VAMP4: variants seen among roughly 807,000 people sequenced by gnomAD.
VAMP4 encodes vesicle associated membrane protein 4, also known as vesicle-associated membrane protein 4.
Under a neutral mutation model 23.5 loss-of-function variants are expected in VAMP4, and 19 were observed. The observed-to-expected ratio is 0.81, with a 90% CI of 0.56 to 1.19. The LOEUF is 1.19. Ranked by LOEUF, VAMP4 falls within the 50% of genes most tolerant of loss-of-function variation. The pLI, the probability that VAMP4 is intolerant of heterozygous loss-of-function variation, is 0.00. For missense variants in VAMP4, 145 were observed against 168.6 expected (o/e 0.86, Z 0.78); for synonymous variants, 31 against 51.0 (o/e 0.61, Z 1.67).
rs190624493 is a variant in VAMP4, at chr1:171,734,246, C to A, written c.66+4103G>T. 4.0e-3 allele frequency among the ~76,000 whole-genome samples: 468 copies of A among 115,898 alleles called. 13 individuals are homozygous for A. The Admixed American group carries it at 0.047, about 12-fold the overall frequency. 76.0% of individuals were successfully genotyped at this position (115,898 alleles called of 152,430 possible). ...TCGCACCATTGGACTCCAGCCTGGG[C>A]AACAGAGGGAGACTCCGTCTCAAAA... is the stretch of plus-strand genomic sequence containing the variant. On this transcript the variant is annotated intron_variant, in intron 2 of 7. Transcript: ENST00000236192.
intron 3 of VAMP4, among the ~76,000 whole-genome samples, chr1:171,725,672 C>T (rs1466785669): frequency 6.6e-6 from 1 of 152,014 alleles, no homozygotes; most frequent in Non-Finnish European, 1.5e-5. Flanking sequence ...GCTCTTTCTT[C>T]ACTGCTTCTC....
intron 1 of VAMP4, among the ~76,000 whole-genome samples, chr1:171,739,413 T>A (rs1322385356): frequency 6.6e-6 from 1 of 152,206 alleles, no homozygotes; most frequent in East Asian, 1.9e-4. Flanking sequence ...CCTATGCACC[T>A]CTTCCATCTG....
chr1:171,709,804 G>T, intron 5 of VAMP4, 60 bp from the exon 6 acceptor site: 1 of 1,275,634 alleles, frequency 7.8e-7, no homozygotes, highest in East Asian at 2.3e-5. Context: ...CTTTTATCTA[G>T]TCACACAAAG....
intron 4 of VAMP4, among the ~76,000 whole-genome samples, chr1:171,712,845 CAG>C (rs1186142197): frequency 6.6e-6 from 1 of 152,172 alleles, no homozygotes; most frequent in Non-Finnish European, 1.5e-5. Context: ...TTGAACAAAA[CAG>C]ATGATAATCC....
chr1:171,708,604 T>C (rs1654737973), intron 6 of VAMP4, among the ~76,000 whole-genome samples: 3 of 151,432 alleles, frequency 2.0e-5, no homozygotes, highest in Non-Finnish European at 4.4e-5. Flanking sequence ...CTCATGCCTG[T>C]AATCCCAGCA....
At chr1:171,727,571 C>T (rs571292988) in intron 3 of VAMP4, among the ~76,000 whole-genome samples, 7 of 152,230 alleles carry the variant, frequency 4.6e-5, no homozygotes, top group Non-Finnish European at 7.4e-5. Flanking sequence ...TAAACTTACA[C>T]CAACCATTCT....
At chr1:171,710,092 A>AC (rs1654800095) in intron 5 of VAMP4, among the ~76,000 whole-genome samples, 1 of 152,108 alleles carries the variant, frequency 6.6e-6, no homozygotes, top group South Asian at 2.1e-4. Flanking sequence ...CCTCTAGAAA[A>AC]AAAATTACAT....
chr1:171,719,508 C>A (rs942248746), intron 3 of VAMP4, among the ~76,000 whole-genome samples: 37 of 152,054 alleles, frequency 2.4e-4, no homozygotes, highest in Non-Finnish European at 1.3e-4. Context: ...AACAAACTTA[C>A]ACAGAATTTG....
chr1:171,733,199 T>C (rs942750342), intron 2 of VAMP4, among the ~76,000 whole-genome samples: 2 of 149,008 alleles, frequency 1.3e-5, no homozygotes, highest in African/African-American at 5.0e-5. Flanking sequence ...GGCTCACGCC[T>C]GTAACCCTGG....
At chr1:171,716,644 T>C (rs1039352631) in intron 4 of VAMP4, among the ~76,000 whole-genome samples, 1 of 152,226 alleles carries the variant, frequency 6.6e-6, no homozygotes, top group African/African-American at 2.4e-5. Flanking sequence ...AGCAATGATG[T>C]TGCTAATCTA....
At chr1:171,724,799 C>T (rs1333148718) in intron 3 of VAMP4, among the ~76,000 whole-genome samples, 1 of 152,144 alleles carries the variant, frequency 6.6e-6, no homozygotes, top group Non-Finnish European at 1.5e-5. Flanking sequence ...GAAGGATATA[C>T]ACTACACTAC....
rs1463307869 is a variant in VAMP4, at chr1:171,716,243, C to T, written c.164+2928G>A. ...ATTGGGAGATTCCCTACTCCTAACA[C>T]AGAATGTCTACAATTCACTACAGTG... On this transcript the variant is annotated intron_variant, in intron 4 of 7. Transcript: ENST00000236192. 2.0e-5 allele frequency among the ~76,000 whole-genome samples: 3 copies of T among 152,152 alleles called. No homozygotes were observed. The East Asian group carries it at 5.8e-4, about 29-fold the overall frequency.
chr1:171,736,489 A>G lies in VAMP4; in HGVS notation c.66+1860T>C, dbSNP rs184907035. Among the ~76,000 whole-genome samples, 42 of 152,342 alleles carry G rather than the reference A, an allele frequency of 2.8e-4. 1 individual carries two copies. Among genetic ancestry groups the G allele is most frequent in the Middle Eastern group, 6.8e-3 (2 of 294 alleles). ...GCATGGAGGAAAAGATAGGTGACCA[A>G]AATGGTTGAAACTGCACCAAATGCT... is the stretch of plus-strand genomic sequence containing the variant. On this transcript the variant is annotated intron_variant, in intron 2 of 7. Coordinates refer to ENST00000236192, the MANE Select transcript of VAMP4 (RefSeq NM_003762.5).
chr1:171,702,513 A>C lies in VAMP4; in HGVS notation c.*1993T>G, dbSNP rs2124831251. 6.6e-6 allele frequency: 1 copy of C among 152,138 alleles called. No homozygotes were observed. The highest frequency in any genetic ancestry group is 2.4e-5 in the African/African-American group (1 of 41,568). The allele number at this position is 152,138 out of a possible 1,614,324, so 9.4% of individuals were successfully genotyped here. On this transcript the variant is annotated 3_prime_UTR_variant, in exon 8 of 8. Transcript: ENST00000236192. ...CTGGAAATATGGATACTTTTTGAGA[A>C]GTAATCTTCATCTTCACTTGTAGAT...
intron 4 of VAMP4, 88 bp from the exon 5 acceptor site, chr1:171,710,902 G>T: frequency 4.4e-6 from 4 of 906,284 alleles, no homozygotes; most frequent in East Asian, 2.7e-5. Context: ...ATAAAGAATA[G>T]CAAATTCTCA....
intron 2 of VAMP4, among the ~76,000 whole-genome samples, chr1:171,735,668 C>T (rs377480084): frequency 6.6e-6 from 1 of 152,102 alleles, no homozygotes; most frequent in Non-Finnish European, 1.5e-5. Flanking sequence ...TTCTTCTAAC[C>T]GATGATTTAA....
chr1:171,712,233 G>C (rs907581337), intron 4 of VAMP4, among the ~76,000 whole-genome samples: 1 of 152,036 alleles, frequency 6.6e-6, no homozygotes, highest in Admixed American at 6.6e-5. Flanking sequence ...AAGTGTGTAG[G>C]GGGCTTTAAA....
At chr1:171,717,983 G>A (rs1655072479) in intron 4 of VAMP4, among the ~76,000 whole-genome samples, 3 of 152,196 alleles carry the variant, frequency 2.0e-5, no homozygotes, top group African/African-American at 7.2e-5. Flanking sequence ...GGTCATACCT[G>A]GTGATACCCT....
intron 2 of VAMP4, among the ~76,000 whole-genome samples, chr1:171,734,140 C>T (rs760631455): frequency 2.0e-5 from 3 of 151,722 alleles, no homozygotes; most frequent in Non-Finnish European, 4.4e-5. Context: ...TGGTGGTGTA[C>T]GCCTGTAATC....
Sources: allele counts gnomAD v4.1 joint callset (sites outside exome capture counted in the v4.1 genomes callset), GRCh38; gene constraint gnomAD v4.1.1; transcripts MANE v1.5; gene names NCBI Gene and HGNC (gene_info 2026-07-23, HGNC 2026-07-21).